Variants in DMD observed in about 807,000 individuals in gnomAD.
DMD encodes mutant dystrophin.
In DMD, 63 loss-of-function variants were observed where a neutral mutation model predicts 330.1. The ratio of observed to expected loss-of-function variants is 0.19; its 90% CI spans 0.16 to 0.24. DMD has a LOEUF of 0.24. Ranked by LOEUF, DMD falls within the 10% of genes least tolerant of loss-of-function variation. The pLI is 1.00. For synonymous variants in DMD, 1,223 were observed against 959.8 expected, an observed-to-expected ratio of 1.27 and a Z score of -5.07; for missense variants, 3,344 against 2,684.1, an observed-to-expected ratio of 1.25 and a Z score of -5.43.
At chrX:32,363,029 C>A (rs1204251662) in intron 36 of DMD, 71 bp from the exon 37 acceptor site, 3 of 1,021,407 alleles carry the variant, frequency 2.9e-6, no homozygotes, top group Non-Finnish European at 4.0e-6. Flanking sequence ...AAAAGAGAGC[C>A]AAACAGAGCG....
At chrX:32,361,745 T>A (rs1323224664) in intron 37 of DMD, among the ~76,000 whole-genome samples, 5 of 111,824 alleles carry the variant, frequency 4.5e-5, no homozygotes, top group African/African-American at 1.6e-4. Context: ...CAAAATATTT[T>A]TTGAAAATGT....
intron 76 of DMD, 77 bp downstream of exon 76, chrX:31,146,214 G>T: frequency 8.9e-7 from 1 of 1,119,415 alleles, no homozygotes; most frequent in Non-Finnish European, 1.2e-6. Flanking sequence ...AACACTTACG[G>T]CCAAATATTC....
At chrX:31,587,126 T>TA (rs2148086358) in intron 55 of DMD, among the ~76,000 whole-genome samples, 1 of 112,021 alleles carries the variant, frequency 8.9e-6, no homozygotes, top group East Asian at 2.8e-4. Flanking sequence ...AACGTAGGAA[T>TA]AATTGTATAG....
intron 47 of DMD, among the ~76,000 whole-genome samples, chrX:31,885,638 G>A (rs202045062): frequency 9.6e-3 from 762 of 79,355 alleles, no homozygotes; most frequent in Middle Eastern, 0.031. Flanking sequence ...AAAAAAAAAA[G>A]AAAAAAAAAG....
At chrX:32,601,234 T>A (rs1335004274) in intron 12 of DMD, among the ~76,000 whole-genome samples, 2 of 111,685 alleles carry the variant, frequency 1.8e-5, no homozygotes, top group African/African-American at 6.5e-5. Flanking sequence ...GAAGATCTAT[T>A]TACGGTATAT....
intron 74 of DMD, among the ~76,000 whole-genome samples, chrX:31,162,145 A>T (rs1303298388): frequency 9.0e-6 from 1 of 110,654 alleles, no homozygotes; most frequent in Non-Finnish European, 1.9e-5. Context: ...TTTGAGCTCC[A>T]TGAGGGTAAG....
At chrX:33,193,855 C>A (rs1184719196) in intron 1 of DMD, among the ~76,000 whole-genome samples, 21 of 111,172 alleles carry the variant, frequency 1.9e-4, no homozygotes. Flanking sequence ...ACTTATAATT[C>A]TTTCCATCAC....
At chrX:32,798,650 C>A (rs1006834773) in intron 7 of DMD, among the ~76,000 whole-genome samples, 1 of 111,634 alleles carries the variant, frequency 9.0e-6, no homozygotes, top group African/African-American at 3.3e-5. Context: ...ATATTTTCAA[C>A]TGCAGAGTTT....
intron 44 of DMD, among the ~76,000 whole-genome samples, chrX:32,178,940 TTCTCTCTCTCTCTCTCTCTCTC>T (rs528690053): frequency 1.3e-4 from 9 of 68,618 alleles, no homozygotes; most frequent in Non-Finnish European, 1.4e-4. Flanking sequence ...AAACCCCAGA[TTCTCTCTCTCTCTCTCTCTCTC>T]TCTCTCTCTC....
intron 50 of DMD, among the ~76,000 whole-genome samples, chrX:31,808,609 T>C (rs752104911): frequency 4.5e-5 from 5 of 111,387 alleles, no homozygotes; most frequent in Non-Finnish European, 9.4e-5. Flanking sequence ...ATTAGACAAG[T>C]TTTTCTTGTC....
At chrX:32,751,844 G>A (rs934924756) in intron 7 of DMD, among the ~76,000 whole-genome samples, 1 of 112,663 alleles carries the variant, frequency 8.9e-6, no homozygotes, top group Non-Finnish European at 1.9e-5. Flanking sequence ...CTCCAGCTGT[G>A]ACTAAAAGGG....
At position 32,529,368 on chromosome X, in the gene DMD, G is replaced by GCAAAAAT. The variant is rs1188664599; in HGVS notation, c.2169-11244_2169-11238dup. Among the ~76,000 whole-genome samples the GCAAAAAT allele has an allele frequency of 1.3e-3, 116 of 90,399 alleles. 1 individual carries two copies. The highest frequency in any genetic ancestry group is 2.2e-3 in the Non-Finnish European group (103 of 47,214). 78.5% of individuals were successfully genotyped at this position (90,399 alleles called of 115,157 possible). A position where few individuals can be genotyped will look rare whatever the true frequency, so the allele number is the denominator to read the frequency against. ...TCACAGGCGCGCGAATTCCACCTTG[G>GCAAAAAT]CAAAAATCAACTTTTTTTTTTTTTT... On this transcript the variant is annotated intron_variant, in intron 17 of 78. Coordinates refer to ENST00000357033, the MANE Select transcript of DMD (RefSeq NM_004006.3).
intron 51 of DMD, among the ~76,000 whole-genome samples, chrX:31,754,805 C>T (rs755296364): frequency 3.6e-5 from 4 of 111,045 alleles, no homozygotes; most frequent in South Asian, 3.7e-4. Flanking sequence ...GAGATGTACT[C>T]GTATAATAGC....
chrX:32,084,951 T>C (rs1473392847), intron 44 of DMD, among the ~76,000 whole-genome samples: 1 of 111,395 alleles, frequency 9.0e-6, no homozygotes, highest in African/African-American at 3.3e-5. Flanking sequence ...GGCCCCGGGC[T>C]CTATCTGCCC....
intron 7 of DMD, among the ~76,000 whole-genome samples, chrX:32,749,518 T>G (rs1171143805): frequency 8.9e-6 from 1 of 112,561 alleles, no homozygotes; most frequent in Non-Finnish European, 1.9e-5. Context: ...AGTTTATAAA[T>G]TATCCTGTTT....
chrX:31,861,604 C>T (rs1461392148), intron 48 of DMD, among the ~76,000 whole-genome samples: 1 of 98,906 alleles, frequency 1.0e-5, no homozygotes, highest in Non-Finnish European at 2.0e-5. Context: ...AAAAAAGAGA[C>T]AGTTCTTTAA....
intron 34 of DMD, among the ~76,000 whole-genome samples, chrX:32,375,456 C>G (rs766533924): frequency 8.9e-6 from 1 of 112,066 alleles, no homozygotes; most frequent in East Asian, 2.8e-4. Context: ...CTTACAGAAC[C>G]TGGCTAGTGG....
At chrX:31,752,920 T>C (rs1386985045) in intron 51 of DMD, among the ~76,000 whole-genome samples, 1 of 112,173 alleles carries the variant, frequency 8.9e-6, no homozygotes, top group Admixed American at 9.5e-5. Flanking sequence ...TACTAAAATC[T>C]GAAAGCTTCT....
At chrX:32,021,782 T>C (rs1447962982) in intron 44 of DMD, among the ~76,000 whole-genome samples, 1 of 112,431 alleles carries the variant, frequency 8.9e-6, no homozygotes, top group Non-Finnish European at 1.9e-5. Context: ...CATTAATTTC[T>C]CTGTTTCTTT....
Sources: gnomAD v4.1 joint callset for allele counts (sites outside exome capture counted in the v4.1 genomes callset) on GRCh38, gnomAD v4.1.1 for gene constraint, MANE v1.5 for transcripts, NCBI Gene and HGNC (gene_info 2026-07-23, HGNC 2026-07-21) for gene names.